Variants in ST3GAL3 observed in about 807,000 individuals in gnomAD.
ST3GAL3 encodes the protein ST3 beta-galactoside alpha-2,3-sialyltransferase 3, also known as CMP-N-acetylneuraminate-beta-1,4-galactoside alpha-2,3-sialyltransferase.
In ST3GAL3, 21 loss-of-function variants were observed where a neutral mutation model predicts 50.1. The ratio of observed to expected loss-of-function variants is 0.42; its 90% CI spans 0.30 to 0.60. The LOEUF is 0.60. ST3GAL3 is among the 20% of genes least tolerant of loss of function. The pLI is 0.19. For synonymous variants in ST3GAL3, 183 were observed against 190.0 expected, an observed-to-expected ratio of 0.96 and a Z score of 0.30; for missense variants, 353 against 489.4, an observed-to-expected ratio of 0.72 and a Z score of 2.63.
Position 43,867,045 on chromosome 1 carries a change from G to A in ST3GAL3, c.303-27338G>A, listed in dbSNP as rs149532373. Among the ~76,000 whole-genome samples, 518 of 152,200 alleles carry A rather than the reference G, an allele frequency of 3.4e-3. 4 individuals carry two copies. The highest frequency in any genetic ancestry group is 0.012 in the African/African-American group (493 of 41,508). ...CTTGGGACGCTTATGCAGGAGAGTC[G>A]CTTCAACCCGGGAGGCAGAGGTTGC... On this transcript the variant is annotated intron_variant, in intron 5 of 11. Transcript: ENST00000347631.
intron 5 of ST3GAL3, among the ~76,000 whole-genome samples, chr1:43,863,681 T>C (rs1038486893): frequency 6.6e-6 from 1 of 152,210 alleles, no homozygotes; most frequent in African/African-American, 2.4e-5. Flanking sequence ...GGGGCCTGTC[T>C]GCTCAGTATG....
At chr1:43,736,597 C>CCAGAAAGAGGCAGAGGG in intron 2 of ST3GAL3, 1 of 773,956 alleles carries the variant, frequency 1.3e-6, no homozygotes. Context: ...AATCTCAGTT[C>CCAGAAAGAGGCAGAGGG]CTTTTACAAA....
chr1:43,895,934 T>C (rs979186344), intron 6 of ST3GAL3, among the ~76,000 whole-genome samples: 3 of 152,212 alleles, frequency 2.0e-5, no homozygotes, highest in Non-Finnish European at 4.4e-5. Flanking sequence ...ATTTTCCTCC[T>C]AGAAAACAAA....
intron 5 of ST3GAL3, among the ~76,000 whole-genome samples, chr1:43,883,509 C>T (rs1243700878): frequency 6.6e-6 from 1 of 152,260 alleles, no homozygotes; most frequent in Non-Finnish European, 1.5e-5. Context: ...TTGGTCCTGA[C>T]ACAGCCTCAG....
chr1:43,899,633 C>G lies in ST3GAL3; in HGVS notation c.650C>G (p.Pro217Arg). ...TACCCCGAGGGCGCCATGCAGCGGC[C>G]TGAGCAGTACGAGCGCGATTCTCTC... is the stretch of plus-strand genomic sequence containing the variant. ...ITYPEGAMQR[P>R]EQYERDSLFV... Residue 217 changes from proline to arginine, a missense_variant, in exon 9 of 12, where the codon CCT (proline) becomes CGT (arginine). Coordinates refer to ENST00000347631, the MANE Select transcript of ST3GAL3 (RefSeq NM_006279.5). This position sits in a 1 kb window ranked among gnomAD's most constrained non-coding sequence, Gnocchi z 5.4. 1.9e-6 allele frequency: 3 copies of G among 1,614,178 alleles called. No individual in the cohort carries two copies. The highest frequency in any genetic ancestry group is 2.5e-6 in the Non-Finnish European group (3 of 1,180,050).
intron 3 of ST3GAL3, among the ~76,000 whole-genome samples, chr1:43,795,841 C>G (rs936093643): frequency 6.6e-6 from 1 of 152,096 alleles, no homozygotes; most frequent in African/African-American, 2.4e-5. Flanking sequence ...GGGAAGAATA[C>G]CAGAATTCAA....
At chr1:43,727,673 C>A (rs140416736) in intron 1 of ST3GAL3, among the ~76,000 whole-genome samples, 1 of 152,286 alleles carries the variant, frequency 6.6e-6, no homozygotes, top group Non-Finnish European at 1.5e-5. Context: ...TAAACCTATT[C>A]CTCATCTTTT....
At chr1:43,744,490 C>T (rs1682582244) in intron 2 of ST3GAL3, among the ~76,000 whole-genome samples, 1 of 151,828 alleles carries the variant, frequency 6.6e-6, no homozygotes. Flanking sequence ...ATCTGCCCGC[C>T]TCGGCCTTCC....
At chr1:43,877,123 G>T (rs968844106) in intron 5 of ST3GAL3, among the ~76,000 whole-genome samples, 2 of 152,180 alleles carry the variant, frequency 1.3e-5, no homozygotes, top group Middle Eastern at 3.2e-3. Context: ...AGAGAGAGAG[G>T]ATTCTGCCCC....
At chr1:43,786,386 G>A (rs764650040) in intron 2 of ST3GAL3, among the ~76,000 whole-genome samples, 5 of 152,082 alleles carry the variant, frequency 3.3e-5, no homozygotes, top group Non-Finnish European at 7.4e-5. Flanking sequence ...TGTGCTCTGT[G>A]CGCCAGCAAC....
intron 5 of ST3GAL3, chr1:43,879,416 T>A (rs1010576526): frequency 2.0e-5 from 9 of 456,070 alleles, no homozygotes; most frequent in Non-Finnish European, 3.1e-5. Context: ...GAGAATGGAC[T>A]CTGAGAGAAA....
At chr1:43,831,346 C>G (rs1233248910) in intron 4 of ST3GAL3, among the ~76,000 whole-genome samples, 1 of 152,184 alleles carries the variant, frequency 6.6e-6, no homozygotes, top group Non-Finnish European at 1.5e-5. Flanking sequence ...CTGTATAAAC[C>G]AGTTGATGGG....
chr1:43,850,435 T>A (rs1435794670), intron 5 of ST3GAL3: 2 of 586,788 alleles, frequency 3.4e-6, no homozygotes, highest in Non-Finnish European at 6.7e-6. Context: ...ATGCCAGCGT[T>A]GCTCTGGATC....
intron 1 of ST3GAL3, among the ~76,000 whole-genome samples, chr1:43,724,075 T>C (rs1671787002): frequency 6.6e-6 from 1 of 152,142 alleles, no homozygotes; most frequent in Admixed American, 6.6e-5. Context: ...AAAATTGTTG[T>C]GTGTATATGT....
intron 2 of ST3GAL3, among the ~76,000 whole-genome samples, chr1:43,742,628 G>A (rs1047522225): frequency 4.6e-5 from 7 of 152,196 alleles, no homozygotes; most frequent in Non-Finnish European, 8.8e-5. Context: ...CTATGGATAA[G>A]ATGGCCTCAG....
At chr1:43,792,179 T>C in intron 3 of ST3GAL3, 30 bp downstream of exon 3, 1 of 1,614,176 alleles carries the variant, frequency 6.2e-7, no homozygotes, top group Non-Finnish European at 8.5e-7. Context: ...TATCATCTTT[T>C]TGGCCTTCAA....
At chr1:43,771,309 A>T (rs1695051017) in intron 2 of ST3GAL3, among the ~76,000 whole-genome samples, 1 of 152,054 alleles carries the variant, frequency 6.6e-6, no homozygotes, top group Non-Finnish European at 1.5e-5. Context: ...GTACTATAAA[A>T]GTGATTCTTG....
chr1:43,744,365 T>G (rs1002020781), intron 2 of ST3GAL3, among the ~76,000 whole-genome samples: 2 of 151,896 alleles, frequency 1.3e-5, no homozygotes, highest in African/African-American at 4.8e-5. Flanking sequence ...TTCTCCTACC[T>G]CAGCCTCCCG....
intron 2 of ST3GAL3, among the ~76,000 whole-genome samples, chr1:43,751,973 A>G (rs537041604): frequency 1.1e-4 from 17 of 151,906 alleles, no homozygotes; most frequent in Non-Finnish European, 2.1e-4. Context: ...CCCTGCTACC[A>G]CACCCGACTA....
Sources: gnomAD v4.1 joint callset for allele counts (sites outside exome capture counted in the v4.1 genomes callset) on GRCh38, gnomAD v4.1.1 for gene constraint, Gnocchi (gnomAD v3.1) non-coding constraint, MANE v1.5 for transcripts, NCBI Gene and HGNC (gene_info 2026-07-23, HGNC 2026-07-21) for gene names.